Variants in IQCB1 observed in about 807,000 individuals in gnomAD.
The protein encoded by IQCB1 is IQ motif containing B1.
Under a neutral mutation model 84.4 loss-of-function variants are expected in IQCB1, and 56 were observed. The ratio of observed to expected loss-of-function variants is 0.66; its 90% CI spans 0.54 to 0.83. The LOEUF (loss-of-function observed/expected upper bound fraction) is 0.83. Ranked by LOEUF, IQCB1 falls within the 40% of genes least tolerant of loss-of-function variation. The pLI is 0.00. For synonymous variants in IQCB1, 210 were observed against 234.8 expected, an observed-to-expected ratio of 0.89 and a Z score of 0.96; for missense variants, 629 against 682.1, an observed-to-expected ratio of 0.92 and a Z score of 0.87.
intron 13 of IQCB1, among the ~76,000 whole-genome samples, chr3:121,773,612 C>G (rs561381997): frequency 5.9e-5 from 9 of 152,232 alleles, no homozygotes; most frequent in African/African-American, 1.7e-4. Context: ...TATTCCTGTT[C>G]CTATCCTGGA....
intron 7 of IQCB1, among the ~76,000 whole-genome samples, chr3:121,805,439 T>C (rs189618359): frequency 6.6e-6 from 1 of 152,334 alleles, no homozygotes; most frequent in East Asian, 1.9e-4. Context: ...AATCGAAGGA[T>C]AGCCATTTCT....
intron 5 of IQCB1, among the ~76,000 whole-genome samples, chr3:121,813,425 T>C (rs1004215717): frequency 3.3e-5 from 5 of 152,138 alleles, no homozygotes; most frequent in Non-Finnish European, 7.3e-5. Flanking sequence ...CATAACAATA[T>C]TAACCTTAAA....
rs1413516964 is a variant in IQCB1 at position 121,828,930 on chromosome 3, A to G, written c.31T>C (p.Leu11=). ...TTTGCAACTTCAGCAGCTATAGATA[A>G]GATCCTTGGGTCTGTACCTGTTGGC... MKPTGTDPRI[L]SIAAEVAKSP... Residue 11 remains leucine, a synonymous_variant, in exon 3 of 15, where the codon TTA becomes CTA. Transcript: ENST00000310864. The G allele has an allele frequency of 6.2e-6, 10 of 1,611,360 alleles. No individual in the cohort carries two copies. The Admixed American group carries it at 8.3e-5, about 13-fold the overall frequency.
Position 121,795,441 on chromosome 3 carries a change from C to T in IQCB1, c.986+16G>A, listed in dbSNP as rs1423346410. On this transcript the variant is annotated intron_variant, in intron 10 of 14. Transcript: ENST00000310864. ...AAGATTCTATGATCATCAATCCCCT[C>T]ACCAAATTTTTTTACCTGAAACTCC... 7.3e-7 allele frequency: 1 copy of T among 1,360,622 alleles called. No homozygotes were observed. The highest frequency in any genetic ancestry group is 1.1e-6 in the Non-Finnish European group (1 of 950,720). The allele number at this position is 1,360,622 out of a possible 1,614,324, so 84.3% of individuals were successfully genotyped here.
chr3:121,776,145 G>A (rs903705993), intron 13 of IQCB1, among the ~76,000 whole-genome samples: 16 of 151,736 alleles, frequency 1.1e-4, no homozygotes, highest in African/African-American at 3.4e-4. Context: ...CTGCAGCCTC[G>A]AACTCCTGGG....
intron 5 of IQCB1, among the ~76,000 whole-genome samples, chr3:121,809,295 A>G (rs569325522): frequency 1.3e-5 from 2 of 152,150 alleles, no homozygotes; most frequent in South Asian, 4.1e-4. Context: ...CTTGCTATGC[A>G]TCAGAATCAC....
Position 121,808,921 on chromosome 3 carries a change from T to G in IQCB1, c.482A>C (p.Gln161Pro), listed in dbSNP as rs376700204. Residue 161 changes from glutamine to proline, a missense_variant, in exon 6 of 15, where the codon CAG (glutamine) becomes CCG (proline). Transcript: ENST00000310864. ...WLLGGHVELI[Q>P]NVLQSDHFLH... ...ATTAAAATCTTTTCTCTTACCATTC[T>G]GAATAAGTTCAACATGGCCTCCCAA... 2 of 1,587,836 alleles carry G rather than the reference T, an allele frequency of 1.3e-6. No homozygotes were observed. The highest frequency in any genetic ancestry group is 1.7e-6 in the Non-Finnish European group (2 of 1,156,520).
intron 5 of IQCB1, among the ~76,000 whole-genome samples, chr3:121,813,282 T>C (rs58485759): frequency 0.1 from 15,630 of 152,098 alleles, 850 homozygotes; most frequent in South Asian, 0.15. Context: ...GCACTAAATA[T>C]GGAAATTAAA....
intron 4 of IQCB1, among the ~76,000 whole-genome samples, chr3:121,826,577 C>T (rs1441640610): frequency 5.3e-5 from 8 of 152,076 alleles, no homozygotes; most frequent in Admixed American, 5.2e-4. Context: ...GAAAAATGCC[C>T]AAGTAGGATT....
At chr3:121,807,868 GTT>G (rs1949667877) in intron 6 of IQCB1, among the ~76,000 whole-genome samples, 1 of 151,874 alleles carries the variant, frequency 6.6e-6, no homozygotes, top group Admixed American at 6.6e-5. Flanking sequence ...GTGACATATT[GTT>G]TTATATAATA....
rs774534154 is a variant in IQCB1, at chr3:121,784,814, C to T, written c.1279-2940G>A. Reference sequence around the variant, plus strand: ...TTCCCACTTCAGCCTCCCGAGTAGCCGGGACTACAGGTATGTGCCACCAAG... The same window carrying T: ...TTCCCACTTCAGCCTCCCGAGTAGCTGGGACTACAGGTATGTGCCACCAAG... On this transcript the variant is annotated intron_variant, in intron 12 of 14. Transcript: ENST00000310864. Among the ~76,000 whole-genome samples, 8 of 151,822 alleles carry T rather than the reference C, an allele frequency of 5.3e-5. No individual in the cohort carries two copies. The South Asian group carries it at 1.5e-3, about 28-fold the overall frequency.
At chr3:121,805,723 G>C (rs1949578217) in intron 7 of IQCB1, among the ~76,000 whole-genome samples, 1 of 152,116 alleles carries the variant, frequency 6.6e-6, no homozygotes, top group African/African-American at 2.4e-5. Context: ...TGAGCTCCTT[G>C]CACTGTTCCT....
intron 13 of IQCB1, among the ~76,000 whole-genome samples, chr3:121,773,644 C>A (rs1414767243): frequency 6.6e-6 from 1 of 152,112 alleles, no homozygotes; most frequent in Non-Finnish European, 1.5e-5. Flanking sequence ...TCCACTAAAA[C>A]CTTACTTCTC....
chr3:121,811,404 C>A (rs1949824709), intron 5 of IQCB1, among the ~76,000 whole-genome samples: 1 of 152,098 alleles, frequency 6.6e-6, no homozygotes, highest in Non-Finnish European at 1.5e-5. Context: ...TGGCTAAAAC[C>A]CCAGCAAGAC....
At chr3:121,773,943 C>A (rs1948114426) in intron 13 of IQCB1, among the ~76,000 whole-genome samples, 1 of 151,096 alleles carries the variant, frequency 6.6e-6, no homozygotes, top group Non-Finnish European at 1.5e-5. Flanking sequence ...CCTTGGTGCA[C>A]CAAAGATCAC....
chr3:121,795,153 A>G, intron 10 of IQCB1, among the ~76,000 whole-genome samples: 1 of 152,084 alleles, frequency 6.6e-6, no homozygotes, highest in African/African-American at 2.4e-5. Flanking sequence ...AATTATGATA[A>G]CTGTTGGTTT....
intron 7 of IQCB1, among the ~76,000 whole-genome samples, chr3:121,799,631 T>C (rs1949331552): frequency 6.6e-6 from 1 of 151,896 alleles, no homozygotes; most frequent in Non-Finnish European, 1.5e-5. Flanking sequence ...GGCCTTCTCC[T>C]TAGAGAAGCC....
At chr3:121,832,658 A>T (rs996356678) in intron 2 of IQCB1, among the ~76,000 whole-genome samples, 1 of 152,110 alleles carries the variant, frequency 6.6e-6, no homozygotes, top group African/African-American at 2.4e-5. Context: ...GAAATATAAC[A>T]ATCTTTTCCT....
intron 7 of IQCB1, among the ~76,000 whole-genome samples, chr3:121,805,816 G>A (rs573787754): frequency 6.6e-6 from 1 of 152,134 alleles, no homozygotes; most frequent in Admixed American, 6.5e-5. Context: ...AATACTTGAA[G>A]GATACCCTCT....
Sources: allele counts gnomAD v4.1 joint callset (sites outside exome capture counted in the v4.1 genomes callset), GRCh38; gene constraint gnomAD v4.1.1; transcripts MANE v1.5; gene names NCBI Gene and HGNC (gene_info 2026-07-23, HGNC 2026-07-21).